SP1: variants seen among roughly 807,000 people sequenced by gnomAD.
SP1 encodes Sp1 transcription factor.
In SP1, 6 loss-of-function variants were observed where a neutral mutation model predicts 66.3. That is an observed-to-expected ratio of 0.09 (90% CI 0.05 to 0.18). SP1 has a LOEUF of 0.18. SP1 is among the 10% of genes least tolerant of loss of function. The pLI, the probability that SP1 is intolerant of heterozygous loss-of-function variation, is 1.00. For missense variants in SP1, 848 were observed against 964.5 expected, an observed-to-expected ratio of 0.88 and a Z score of 1.60; for synonymous variants, 417 against 360.8, an observed-to-expected ratio of 1.16 and a Z score of -1.77.
At chr12:53,402,486 T>C (rs1211791785) in intron 3 of SP1, among the ~76,000 whole-genome samples, 1 of 150,416 alleles carries the variant, frequency 6.6e-6, no homozygotes, top group Non-Finnish European at 1.5e-5. Flanking sequence ...CCTCCCAAAG[T>C]ACTGGGATTA....
At chr12:53,410,448 A>G (rs1938855616) in intron 5 of SP1, among the ~76,000 whole-genome samples, 1 of 151,844 alleles carries the variant, frequency 6.6e-6, no homozygotes, top group Non-Finnish European at 1.5e-5. Flanking sequence ...GTACTCCCCA[A>G]CCTTTATCTA....
At chr12:53,392,637 G>A (rs1233960579) in intron 3 of SP1, among the ~76,000 whole-genome samples, 4 of 151,662 alleles carry the variant, frequency 2.6e-5, no homozygotes, top group African/African-American at 9.7e-5. Flanking sequence ...GATTACAGGC[G>A]TGAGCCACCG....
At position 53,413,666 on chromosome 12, in the gene SP1, T is replaced by C. The variant is rs2136923896; in HGVS notation, c.*2426T>C. On this transcript the variant is annotated 3_prime_UTR_variant, in exon 6 of 6. Transcript: ENST00000327443. The stretch of plus-strand genomic sequence containing the variant: ...GCAGAACTCAGAACCTGTTATTTTA[T>C]GTCTGTAATCATGTACTTTGGCATC... 1 of 152,768 alleles carries C rather than the reference T, an allele frequency of 6.5e-6. No homozygotes were observed. The highest frequency in any genetic ancestry group is 2.4e-5 in the African/African-American group (1 of 41,584). 9.5% of individuals were successfully genotyped at this position (152,768 alleles called of 1,614,324 possible).
intron 2 of SP1, 109 bp from the exon 3 acceptor site, chr12:53,382,001 G>GT (rs1938111640): frequency 2.4e-6 from 3 of 1,225,618 alleles, no homozygotes; most frequent in South Asian, 2.9e-5. Flanking sequence ...TTTTGTTTCT[G>GT]TTTTTTGCTC....
chr12:53,403,075 G>T (rs1402788448), intron 3 of SP1, among the ~76,000 whole-genome samples: 1 of 152,008 alleles, frequency 6.6e-6, no homozygotes, highest in Non-Finnish European at 1.5e-5. Flanking sequence ...TTGAACCAGG[G>T]AGGCGGAGGT....
At chr12:53,406,890 T>C in intron 4 of SP1, 137 bp downstream of exon 4, 1 of 698,526 alleles carries the variant, frequency 1.4e-6, no homozygotes, top group African/African-American at 1.8e-5. Flanking sequence ...AGTGGCGCAA[T>C]CTTGGCTCAC....
chr12:53,393,297 T>C (rs902259872), intron 3 of SP1, among the ~76,000 whole-genome samples: 5 of 151,988 alleles, frequency 3.3e-5, no homozygotes, highest in Admixed American at 1.3e-4. Flanking sequence ...TTTCTTTCTT[T>C]CTTTTTTTTC....
chr12:53,381,995 G>T, intron 2 of SP1, 115 bp from the exon 3 acceptor site: 2 of 1,193,718 alleles, frequency 1.7e-6, no homozygotes, highest in Non-Finnish European at 2.3e-6. Flanking sequence ...TCAGCTTTTT[G>T]TTTCTGTTTT....
Position 53,397,826 on chromosome 12 carries a change from T to G in SP1, c.1676-8759T>G, listed in dbSNP as rs1011798972. ...GCCTTGGCCTCCCAAAGTGCTGGGA[T>G]TACAGGCGTGAGCCACTGCGCCCGA... On this transcript the variant is annotated intron_variant, in intron 3 of 5. Coordinates refer to ENST00000327443, the MANE Select transcript of SP1 (RefSeq NM_138473.3). 2.0e-5 allele frequency among the ~76,000 whole-genome samples: 3 copies of G among 152,328 alleles called. No individual in the cohort carries two copies. In the East Asian group the frequency reaches 5.8e-4, roughly 29 times the overall value.
chr12:53,396,178 C>A (rs904915888), intron 3 of SP1, among the ~76,000 whole-genome samples: 2 of 149,910 alleles, frequency 1.3e-5, no homozygotes, highest in Non-Finnish European at 3.0e-5. Context: ...CTACTCAGGA[C>A]GCTGAGGCAG....
chr12:53,411,132 C>T lies in SP1; in HGVS notation c.2250C>T (p.Ala750=), dbSNP rs901400759. The T allele has an allele frequency of 4.3e-6, 7 of 1,614,072 alleles. No individual in the cohort carries two copies. Among genetic ancestry groups the T allele is most frequent in the Non-Finnish European group, 5.9e-6 (7 of 1,180,034 alleles). ...PSALITTNMV[A]MEAICPEGIA... ...CCCTTATTACCACCAATATGGTAGCCATGGAGGCCATCTGTCCAGAGGGCA... is the reference window on the plus strand; with the variant it reads ...CCCTTATTACCACCAATATGGTAGCTATGGAGGCCATCTGTCCAGAGGGCA... The change falls in exon 6 of 6, where the codon GCC becomes GCT. Residue 750 remains alanine, a synonymous_variant. Coordinates refer to ENST00000327443, the MANE Select transcript of SP1 (RefSeq NM_138473.3).
chr12:53,389,157 G>A (rs892661876), intron 3 of SP1, among the ~76,000 whole-genome samples: 1 of 150,562 alleles, frequency 6.6e-6, no homozygotes, highest in Non-Finnish European at 1.5e-5. Context: ...GATTGTGGAA[G>A]ATTGCAGCTT....
Position 53,380,224 on chromosome 12 carries a change from G to C in SP1, c.-68G>C, listed in dbSNP as rs907684434. On this transcript the variant is annotated 5_prime_UTR_variant, in exon 1 of 6. Coordinates refer to ENST00000327443, the MANE Select transcript of SP1 (RefSeq NM_138473.3). ...GGGTTCGCTTGCCTCGTCAGCGTCC[G>C]CGTTTTTCCCGGCCCCCCCCAACCC... The C allele has an allele frequency of 2.4e-6, 3 of 1,236,012 alleles. No homozygotes were observed. The highest frequency in any genetic ancestry group is 3.6e-6 in the Non-Finnish European group (3 of 843,706). 76.6% of individuals were successfully genotyped at this position (1,236,012 alleles called of 1,614,324 possible).
intron 3 of SP1, among the ~76,000 whole-genome samples, chr12:53,385,789 T>C (rs1256466164): frequency 4.0e-5 from 6 of 151,474 alleles, no homozygotes. Context: ...GGTACAAGCC[T>C]GTAGTCCCAG....
At chr12:53,409,748 G>C (rs962517877) in intron 5 of SP1, among the ~76,000 whole-genome samples, 187 bp downstream of exon 5, 1 of 152,184 alleles carries the variant, frequency 6.6e-6, no homozygotes, top group Non-Finnish European at 1.5e-5. Flanking sequence ...AGTGGCTCAC[G>C]CCTGTAATCC....
intron 3 of SP1, among the ~76,000 whole-genome samples, chr12:53,393,235 G>T (rs1345395316): frequency 6.6e-6 from 1 of 152,182 alleles, no homozygotes; most frequent in Admixed American, 6.5e-5. Flanking sequence ...GACTGGTTTA[G>T]CCCAGAAGTT....
rs762191785 is a variant in SP1, at chr12:53,380,246, A to AC, written c.-39dup. 9.5e-5 allele frequency: 54 copies of AC among 570,392 alleles called. No individual in the cohort carries two copies. Among genetic ancestry groups the AC allele is most frequent in the East Asian group, 2.8e-4 (6 of 21,434 alleles). 35.3% of individuals were successfully genotyped at this position (570,392 alleles called of 1,614,324 possible). On this transcript the variant is annotated 5_prime_UTR_variant, in exon 1 of 6. Transcript: ENST00000327443. ...TCCGCGTTTTTCCCGGCCCCCCCCAACCCCCCCGGACAGGACCCCCTTGAG... is the reference window on the plus strand; with the variant it reads ...TCCGCGTTTTTCCCGGCCCCCCCCAACCCCCCCCGGACAGGACCCCCTTGAG...
At position 53,391,461 on chromosome 12, in the gene SP1, A is replaced by T. The variant is rs147801318; in HGVS notation, c.1675+7839A>T. The stretch of plus-strand genomic sequence containing the variant: ...TCCTTCAGCCTCCCGAGTAGCTGGG[A>T]CTACAGGCGTGTGCCACCAGGCCTA... On this transcript the variant is annotated intron_variant, in intron 3 of 5. Coordinates refer to ENST00000327443, the MANE Select transcript of SP1 (RefSeq NM_138473.3). 7.0e-3 allele frequency among the ~76,000 whole-genome samples: 1,025 copies of T among 146,424 alleles called. 8 individuals carry two copies. Among genetic ancestry groups the T allele is most frequent in the African/African-American group, 0.025 (985 of 39,266 alleles).
intron 3 of SP1, among the ~76,000 whole-genome samples, chr12:53,399,369 TG>T (rs1306789068): frequency 1.3e-5 from 2 of 152,178 alleles, no homozygotes; most frequent in Non-Finnish European, 2.9e-5. Flanking sequence ...AATCTCGCTC[TG>T]TCGCCCAGGC....
Sources: gnomAD v4.1 joint callset for allele counts (sites outside exome capture counted in the v4.1 genomes callset) on GRCh38, gnomAD v4.1.1 for gene constraint, MANE v1.5 for transcripts, NCBI Gene and HGNC (gene_info 2026-07-23, HGNC 2026-07-21) for gene names.